The following CFAP47 variants were observed in gnomAD, a reference collection of about 807,000 sequenced individuals.
CFAP47 encodes the protein cilia- and flagella-associated protein 47.
CFAP47 carries 29 observed loss-of-function variants against 148.1 expected under a neutral mutation model. The ratio of observed to expected loss-of-function variants is 0.20; its 90% CI spans 0.15 to 0.27. CFAP47 has a LOEUF of 0.27. Among genes scored for constraint, CFAP47 ranks in the 10% least tolerant of loss-of-function variants. The probability of loss-of-function intolerance (pLI) is 1.00; values close to 1 mark genes in which losing one functional copy is unlikely to be tolerated. For missense variants in CFAP47, 1,872 were observed against 1,697.5 expected (o/e 1.10, Z -1.81); for synonymous variants, 664 against 577.3 (o/e 1.15, Z -2.15).
At chrX:36,302,123 T>A (rs182273502) in intron 53 of CFAP47, among the ~76,000 whole-genome samples, 2 of 109,794 alleles carry the variant, frequency 1.8e-5, no homozygotes, top group Non-Finnish European at 3.8e-5. Context: ...ATTGGTAATA[T>A]ACGAAGCAGA....
chrX:36,049,491 C>T (rs889832515), intron 26 of CFAP47, among the ~76,000 whole-genome samples: 1 of 84,066 alleles, frequency 1.2e-5, no homozygotes, highest in East Asian at 3.2e-4. Context: ...CTCTCTCTCA[C>T]ACACACACAC....
chrX:36,340,443 C>T (rs1199791746), intron 57 of CFAP47, among the ~76,000 whole-genome samples: 1 of 111,786 alleles, frequency 8.9e-6, no homozygotes, highest in Non-Finnish European at 1.9e-5. Context: ...TCTCACAGTT[C>T]TAGAGGCTAC....
intron 52 of CFAP47, among the ~76,000 whole-genome samples, chrX:36,300,188 C>T (rs1941284477): frequency 9.0e-6 from 1 of 111,035 alleles, no homozygotes; most frequent in Non-Finnish European, 1.9e-5. Flanking sequence ...AGATTGATTC[C>T]TCCTATTTTA....
At chrX:36,298,948 T>C in intron 51 of CFAP47, 29 bp from the exon 52 acceptor site, 2 of 1,018,716 alleles carry the variant, frequency 2.0e-6, no homozygotes, top group Non-Finnish European at 2.7e-6. Context: ...ACACTAAAAG[T>C]TGATTACATA....
chrX:36,317,793 ATAT>A (rs1941448539), intron 56 of CFAP47, among the ~76,000 whole-genome samples: 1 of 111,199 alleles, frequency 9.0e-6, no homozygotes, highest in Admixed American at 9.6e-5. Context: ...CATATTGTTA[ATAT>A]TATTGTACTA....
chrX:35,989,583 T>A lies in CFAP47; in HGVS notation c.2844+134T>A, dbSNP rs1255698928. 1.2e-5 allele frequency: 14 copies of A among 1,158,851 alleles called. No homozygotes were observed. In the East Asian group the frequency reaches 4.2e-4, roughly 35 times the overall value. The stretch of plus-strand genomic sequence containing the variant: ...CTTTCATGCAACAGTACTAGTTTTT[T>A]TGTTAGAGCCTCTATAAATATGTAA... On this transcript the variant is annotated intron_variant, in intron 16 of 63. Transcript: ENST00000378653.
intron 30 of CFAP47, among the ~76,000 whole-genome samples, chrX:36,098,148 T>C (rs1164655576): frequency 8.9e-6 from 1 of 112,326 alleles, no homozygotes; most frequent in Admixed American, 9.5e-5. Flanking sequence ...AATTCCTACT[T>C]GATTTTTTTA....
At chrX:36,009,010 C>T (rs1937011022) in intron 21 of CFAP47, among the ~76,000 whole-genome samples, 1 of 110,594 alleles carries the variant, frequency 9.0e-6, no homozygotes, top group African/African-American at 3.3e-5. Context: ...ATCCAGAACC[C>T]TGGCCTCACA....
At chrX:36,342,568 A>T (rs1941662671) in intron 57 of CFAP47, among the ~76,000 whole-genome samples, 1 of 111,795 alleles carries the variant, frequency 8.9e-6, no homozygotes, top group South Asian at 3.7e-4. Context: ...ACCCAAATAT[A>T]TATGGAAATG....
intron 21 of CFAP47, among the ~76,000 whole-genome samples, chrX:36,010,885 G>C (rs1409191872): frequency 5.4e-5 from 6 of 111,186 alleles, no homozygotes; most frequent in Admixed American, 9.6e-5. Context: ...TAAGACAGTG[G>C]CTTTAAAGTC....
At chrX:36,069,771 C>T (rs767371833) in intron 27 of CFAP47, among the ~76,000 whole-genome samples, 45 of 110,995 alleles carry the variant, frequency 4.1e-4, no homozygotes, top group African/African-American at 1.1e-3. Context: ...GAGGCCTCAG[C>T]TCCCACACAC....
intron 22 of CFAP47, among the ~76,000 whole-genome samples, chrX:36,022,824 G>A (rs773516876): frequency 5.4e-5 from 6 of 111,064 alleles, no homozygotes; most frequent in South Asian, 3.8e-4. Flanking sequence ...AATTATTTCC[G>A]TCTCTTTGTT....
intron 30 of CFAP47, among the ~76,000 whole-genome samples, chrX:36,094,851 T>C (rs928904090): frequency 9.0e-6 from 1 of 111,341 alleles, no homozygotes; most frequent in African/African-American, 3.3e-5. Flanking sequence ...TTATTCTAAT[T>C]TGTATGCTCC....
intron 63 of CFAP47, among the ~76,000 whole-genome samples, chrX:36,384,470 T>C (rs782749882): frequency 8.9e-6 from 1 of 112,798 alleles, no homozygotes; most frequent in East Asian, 2.8e-4. Context: ...AATGTGTTTA[T>C]CTTGGAAGGT....
At chrX:35,953,998 A>G (rs1346714272) in intron 7 of CFAP47, among the ~76,000 whole-genome samples, 1 of 111,076 alleles carries the variant, frequency 9.0e-6, no homozygotes, top group Admixed American at 9.6e-5. Context: ...TAAGAAAAAA[A>G]AACCCGGATT....
intron 31 of CFAP47, among the ~76,000 whole-genome samples, 162 bp from the exon 32 acceptor site, chrX:36,099,589 C>A (rs1428627632): frequency 9.3e-6 from 1 of 107,305 alleles, no homozygotes; most frequent in Non-Finnish European, 1.9e-5. Context: ...ACTGTGTGCT[C>A]CATAAAGTTA....
intron 46 of CFAP47, among the ~76,000 whole-genome samples, chrX:36,229,993 C>T (rs781813515): frequency 0.021 from 2,242 of 108,001 alleles, 32 homozygotes; most frequent in Non-Finnish European, 0.031. Flanking sequence ...GCCACATTTT[C>T]TTAATCCAGT....
chrX:36,134,060 A>G (rs1243490982), intron 33 of CFAP47, among the ~76,000 whole-genome samples: 1 of 111,112 alleles, frequency 9.0e-6, no homozygotes, highest in East Asian at 2.8e-4. Flanking sequence ...CATTTAACAT[A>G]GAAGAAATAC....
In CFAP47 at chrX:36,303,848, G is replaced by T. The variant is rs1556008286; in HGVS notation, c.7971-1G>T. On this transcript the variant is annotated splice_acceptor_variant, in intron 53 of 63. Coordinates refer to ENST00000378653, the MANE Select transcript of CFAP47 (RefSeq NM_001304548.2). LOFTEE classifies it high-confidence loss of function. ...CTTTACTAGCTTTTTTTTTCTCCTAGGCATGTCACTCAGATCATTCCTTTA... is the reference window on the plus strand; with the variant it reads ...CTTTACTAGCTTTTTTTTTCTCCTATGCATGTCACTCAGATCATTCCTTTA... 1.9e-6 allele frequency: 2 copies of T among 1,063,835 alleles called. No individual in the cohort carries two copies. Among genetic ancestry groups the T allele is most frequent in the Admixed American group, 3.3e-5 (1 of 30,724 alleles). 87.7% of individuals were successfully genotyped at this position (1,063,835 alleles called of 1,213,427 possible).
Sources: gnomAD v4.1 joint callset for allele counts (sites outside exome capture counted in the v4.1 genomes callset) on GRCh38, gnomAD v4.1.1 for gene constraint, MANE v1.5 for transcripts, NCBI Gene and HGNC (gene_info 2026-07-23, HGNC 2026-07-21) for gene names.